The following GRID1 variants were observed in gnomAD, a reference collection of about 807,000 sequenced individuals.
GRID1 encodes glutamate ionotropic receptor delta type subunit 1, also known as glutamate receptor ionotropic, delta-1.
In GRID1, 28 loss-of-function variants were observed where a neutral mutation model predicts 98.0. The ratio of observed to expected loss-of-function variants is 0.29; its 90% CI spans 0.21 to 0.39. The LOEUF is 0.39. Among genes scored for constraint, GRID1 ranks in the 10% least tolerant of loss-of-function variants. GRID1 has a pLI of 1.00. For synonymous variants in GRID1, 553 were observed against 538.5 expected (o/e 1.03, Z -0.37); for missense variants, 1,111 against 1,340.5 (o/e 0.83, Z 2.67).
At chr10:86,016,398 C>T (rs929860574) in intron 4 of GRID1, among the ~76,000 whole-genome samples, 24 of 152,088 alleles carry the variant, frequency 1.6e-4, no homozygotes, top group Non-Finnish European at 3.2e-4. Context: ...TAGCAGCAAT[C>T]TCTCTTTCTG....
intron 4 of GRID1, among the ~76,000 whole-genome samples, chr10:86,070,043 A>T (rs190421360): frequency 1.3e-5 from 2 of 152,326 alleles, no homozygotes; most frequent in Non-Finnish European, 1.5e-5. Flanking sequence ...GAGCCTGGGT[A>T]GAGAGGTGCT....
chr10:86,273,677 T>G (rs1847221989), intron 2 of GRID1, among the ~76,000 whole-genome samples: 1 of 152,166 alleles, frequency 6.6e-6, no homozygotes, highest in African/African-American at 2.4e-5. Context: ...TGGTGAGCAT[T>G]TTTTCATGTG....
intron 3 of GRID1, among the ~76,000 whole-genome samples, chr10:86,203,090 G>A (rs1845976294): frequency 6.6e-6 from 1 of 152,176 alleles, no homozygotes; most frequent in Non-Finnish European, 1.5e-5. Flanking sequence ...TGACCTCAGA[G>A]GGATGTTGGG....
intron 2 of GRID1, among the ~76,000 whole-genome samples, chr10:86,229,241 G>T (rs1363041921): frequency 1.3e-5 from 2 of 152,102 alleles, no homozygotes; most frequent in African/African-American, 4.8e-5. Flanking sequence ...AAGTGCCTGG[G>T]GCCAGCACTG....
chr10:85,728,256 G>C (rs1216549665), intron 9 of GRID1, among the ~76,000 whole-genome samples: 1 of 152,164 alleles, frequency 6.6e-6, no homozygotes, highest in African/African-American at 2.4e-5. Flanking sequence ...CCAATCAGTA[G>C]GTCCATACAG....
chr10:86,136,489 T>C (rs899917916), intron 4 of GRID1, among the ~76,000 whole-genome samples: 3 of 152,218 alleles, frequency 2.0e-5, no homozygotes, highest in Non-Finnish European at 4.4e-5. Flanking sequence ...ACTTGAATCC[T>C]GTTCAATGCC....
intron 4 of GRID1, among the ~76,000 whole-genome samples, chr10:85,988,463 T>C (rs928124084): frequency 2.6e-5 from 4 of 152,226 alleles, no homozygotes; most frequent in African/African-American, 9.6e-5. Flanking sequence ...ATGAATCATT[T>C]ACAAGAAGAG....
intron 4 of GRID1, among the ~76,000 whole-genome samples, chr10:86,131,234 T>A (rs1299842719): frequency 6.6e-6 from 1 of 151,052 alleles, no homozygotes; most frequent in East Asian, 1.9e-4. Context: ...CCCAATCAGC[T>A]CTTCAGTCAA....
intron 4 of GRID1, among the ~76,000 whole-genome samples, chr10:85,947,252 C>T (rs1842065026): frequency 6.6e-6 from 1 of 152,114 alleles, no homozygotes; most frequent in African/African-American, 2.4e-5. Context: ...AGGTAAGTAC[C>T]CACCACATGC....
intron 4 of GRID1, among the ~76,000 whole-genome samples, chr10:85,965,943 G>C (rs1378369568): frequency 6.6e-6 from 1 of 152,118 alleles, no homozygotes; most frequent in Admixed American, 6.5e-5. Context: ...CCCAGCTCCA[G>C]AGTAGCCTTA....
rs774481108 is a variant in GRID1, at chr10:85,602,383, C to T, written c.2920G>A (p.Gly974Arg). Residue 974 changes from glycine to arginine, a missense_variant, in exon 16 of 16, where the codon GGG becomes AGG. Transcript: ENST00000327946. ...MQCKHRSPNG[G>R]LFRQSPVKTP... The stretch of plus-strand genomic sequence containing the variant: ...TTCACCGGGCTCTGCCGGAACAGCC[C>T]CCCGTTGGGTGACCTGTGTTTGCAC... The T allele has an allele frequency of 2.5e-6, 4 of 1,608,376 alleles. No homozygotes were observed. In the South Asian group the frequency reaches 4.4e-5, roughly 18 times the overall value.
chr10:85,691,183 A>G (rs748114914), intron 12 of GRID1, among the ~76,000 whole-genome samples: 6 of 152,224 alleles, frequency 3.9e-5, no homozygotes, highest in African/African-American at 1.2e-4. Flanking sequence ...TGGTTTTTAC[A>G]TGACAGCAGT....
chr10:85,796,397 A>T (rs1267083922), intron 8 of GRID1, among the ~76,000 whole-genome samples: 1 of 152,224 alleles, frequency 6.6e-6, no homozygotes, highest in Non-Finnish European at 1.5e-5. Flanking sequence ...CAGAGAAAAA[A>T]TGGTATTAAC....
intron 2 of GRID1, among the ~76,000 whole-genome samples, chr10:86,304,759 G>A (rs1488878963): frequency 6.6e-6 from 1 of 152,242 alleles, no homozygotes; most frequent in Non-Finnish European, 1.5e-5. Context: ...GAGGGACAAG[G>A]AAACTTGTCT....
intron 8 of GRID1, among the ~76,000 whole-genome samples, chr10:85,844,074 C>T (rs368177391): frequency 2.4e-4 from 36 of 152,062 alleles, no homozygotes; most frequent in African/African-American, 8.4e-4. Flanking sequence ...AAATAATACT[C>T]AACTATAAAA....
intron 2 of GRID1, among the ~76,000 whole-genome samples, chr10:86,225,130 T>C (rs993070353): frequency 3.3e-5 from 5 of 152,194 alleles, no homozygotes; most frequent in Non-Finnish European, 7.3e-5. Flanking sequence ...CAGACAACCC[T>C]GGTGTGAAGA....
intron 8 of GRID1, among the ~76,000 whole-genome samples, chr10:85,808,223 AC>A (rs1564596686): frequency 3.3e-5 from 5 of 152,214 alleles, no homozygotes; most frequent in Non-Finnish European, 2.9e-5. Flanking sequence ...AGACATTATT[AC>A]CTGCAGATAT....
At chr10:85,893,772 C>T (rs531205791) in intron 5 of GRID1, among the ~76,000 whole-genome samples, 1 of 152,230 alleles carries the variant, frequency 6.6e-6, no homozygotes, top group East Asian at 1.9e-4. Flanking sequence ...AATTAGAAGA[C>T]AATATTGTTA....
At chr10:85,953,270 G>T (rs1842148160) in intron 4 of GRID1, among the ~76,000 whole-genome samples, 1 of 152,106 alleles carries the variant, frequency 6.6e-6, no homozygotes, top group Non-Finnish European at 1.5e-5. Flanking sequence ...ACTGATGCAG[G>T]AACAGAAAAC....
Sources: gnomAD v4.1 joint callset for allele counts (sites outside exome capture counted in the v4.1 genomes callset) on GRCh38, gnomAD v4.1.1 for gene constraint, MANE v1.5 for transcripts, NCBI Gene and HGNC (gene_info 2026-07-23, HGNC 2026-07-21) for gene names.